The following DENND4B variants were observed in gnomAD, a reference collection of about 807,000 sequenced individuals.
The protein encoded by DENND4B is DENN domain-containing protein 4B.
In DENND4B, 67 loss-of-function variants were observed where a neutral mutation model predicts 161.0. The ratio of observed to expected loss-of-function variants is 0.42; its 90% confidence interval spans 0.34 to 0.51. DENND4B has a LOEUF of 0.51. Among genes scored for constraint, DENND4B ranks in the 20% least tolerant of loss-of-function variants. DENND4B has a pLI of 0.08. For synonymous variants in DENND4B, 753 were observed against 813.8 expected, an observed-to-expected ratio of 0.93 and a Z score of 1.27; for missense variants, 1,481 against 1,968.0, an observed-to-expected ratio of 0.75 and a Z score of 4.68.
rs752439738 is a variant in DENND4B at position 153,942,265 on chromosome 1, G to T, written c.732C>A (p.Ile244=). 6.2e-7 allele frequency: 1 copy of T among 1,613,930 alleles called. No homozygotes were observed. Among genetic ancestry groups the T allele is most frequent in the Non-Finnish European group, 8.5e-7 (1 of 1,179,872 alleles). Residue 244 remains isoleucine, a synonymous_variant, in exon 5 of 28, where the codon ATC becomes ATA. Coordinates refer to ENST00000361217, the MANE Select transcript of DENND4B (RefSeq NM_014856.3). The surrounding 1 kb of genome is among the most constrained non-coding windows in gnomAD (Gnocchi z 6.9). ...ACTTGGTCTGGGCAGGCCAGCACTC[G>T]ATAGTGGCCCCCATGGGCAGGCAGA... The part of the protein sequence containing the change: ...PVFCLPMGAT[I]ECWPAQTKYP...
In DENND4B at chr1:153,940,188, G is replaced by A. The variant is rs1347906578; in HGVS notation, c.1571C>T (p.Thr524Ile). ...CAGCTGCTGGTACAGGTTTGTCAGT[G>A]TGGCCAGCAGAACCTTGTAGGGTCT... Reference protein sequence around the residue: ...PRRPYKVLLATLTNLYQQLDQ... With the variant: ...PRRPYKVLLAILTNLYQQLDQ... The change falls in exon 11 of 28, where the codon ACA (threonine) becomes ATA (isoleucine). Residue 524 changes from threonine to isoleucine, a missense_variant. Physicochemically the swap from Thr to Ile is moderately conservative, Grantham distance 89. Around this residue, in one of 3 missense-constraint regions of DENND4B, gnomAD observed 806 missense variants for 1,134.4 expected, o/e 0.71. Transcript: ENST00000361217. The surrounding 1 kb of genome is among the most constrained non-coding windows in gnomAD (Gnocchi z 5.6). 1 of 1,594,470 alleles carries A rather than the reference G, an allele frequency of 6.3e-7. No individual in the cohort carries two copies. The highest frequency in any genetic ancestry group is 8.5e-7 in the Non-Finnish European group (1 of 1,171,746).
chr1:153,939,225 G>T (rs1232880928), intron 12 of DENND4B, among the ~76,000 whole-genome samples, 180 bp from the exon 13 acceptor site: 1 of 152,100 alleles, frequency 6.6e-6, no homozygotes, highest in East Asian at 1.9e-4. Context: ...CCAGCACAAT[G>T]GCCCTAGAGA....
chr1:153,936,840 G>C lies in DENND4B; in HGVS notation c.2233-92C>G. 1 of 1,303,178 alleles carries C rather than the reference G, an allele frequency of 7.7e-7. No individual in the cohort carries two copies. Among genetic ancestry groups the C allele is most frequent in the South Asian group, 1.7e-5 (1 of 58,884 alleles). 80.7% of individuals were successfully genotyped at this position (1,303,178 alleles called of 1,614,324 possible). On this transcript the variant is annotated intron_variant, in intron 15 of 27. Transcript: ENST00000361217. The surrounding 1 kb of genome is among the most constrained non-coding windows in gnomAD (Gnocchi z 4.1). ...TATTTATTTATGACGGTCTCGCTCT[G>C]TCACCCAGGCTGGAGTGCAGTGGCG...
Position 153,933,682 on chromosome 1 carries a change from C to G in DENND4B, c.3131G>C (p.Gly1044Ala). Residue 1044 changes from glycine (G) to alanine (A), a missense_variant, in exon 20 of 28, where the codon GGT becomes GCT. Physicochemically the swap from Gly to Ala is moderately conservative, Grantham distance 60. Around this residue, in one of 3 missense-constraint regions of DENND4B, gnomAD observed 339 missense variants for 330.3 expected, o/e 1.03. Transcript: ENST00000361217. This position sits in a 1 kb window ranked among gnomAD's most constrained non-coding sequence, Gnocchi z 5.7. ...GGTGCCTGCCTCATCCTGTCGCCCA[C>G]CAGCCTTGGGTCCCCGCCCACTTAG... Reference protein sequence around the residue: ...EGLSGRGPKAGGRQDEAGTPR... With the variant: ...EGLSGRGPKAAGRQDEAGTPR... 1 of 1,572,980 alleles carries G rather than the reference C, an allele frequency of 6.4e-7. No homozygotes were observed. The highest frequency in any genetic ancestry group is 8.6e-7 in the Non-Finnish European group (1 of 1,160,304).
In DENND4B at chr1:153,946,438, TG is replaced by T; in HGVS notation, c.-162del. On this transcript the variant is annotated 5_prime_UTR_variant, in exon 1 of 28. Transcript: ENST00000361217. This position sits in a 1 kb window ranked among gnomAD's most constrained non-coding sequence, Gnocchi z 6.3. ...GCGCCGCTCCCGCCCGGGCAGTGAG[TG>T]AAGGAAGAAGAGGCGGCCGAGGACC... 2.6e-6 allele frequency: 1 copy of T among 386,948 alleles called. No homozygotes were observed. The allele number at this position is 386,948 out of a possible 1,614,324, so 24.0% of individuals were successfully genotyped here. A position where few individuals can be genotyped will look rare whatever the true frequency, so the allele number is the denominator to read the frequency against.
chr1:153,934,379 T>G lies in DENND4B; in HGVS notation c.2774-77A>C. Reference sequence around the variant, plus strand: ...CTGTTCCAAAATAGAGCTCCTTAGATGGACCAGGGTTTGCAGGGTTCCTCC... The same window carrying G: ...CTGTTCCAAAATAGAGCTCCTTAGAGGGACCAGGGTTTGCAGGGTTCCTCC... On this transcript the variant is annotated intron_variant, in intron 18 of 27. Coordinates refer to ENST00000361217, the MANE Select transcript of DENND4B (RefSeq NM_014856.3). This position sits in a 1 kb window ranked among gnomAD's most constrained non-coding sequence, Gnocchi z 5.3. The G allele has an allele frequency of 6.7e-7, 1 of 1,493,770 alleles. No homozygotes were observed. Among genetic ancestry groups the G allele is most frequent in the Non-Finnish European group, 8.9e-7 (1 of 1,119,364 alleles). 92.5% of individuals were successfully genotyped at this position (1,493,770 alleles called of 1,614,324 possible). A position where few individuals can be genotyped will look rare whatever the true frequency, so the allele number is the denominator to read the frequency against.
rs530266359 is a variant in DENND4B, at chr1:153,942,790, G to T, written c.570+88C>A. ...CTCTGGACTCACCCCTGTGGTCAGA[G>T]CCTTGGTCCTGGGATGCCCTTTGTT... On this transcript the variant is annotated intron_variant, in intron 3 of 27. Transcript: ENST00000361217. This position sits in a 1 kb window ranked among gnomAD's most constrained non-coding sequence, Gnocchi z 6.9. 2.7e-6 allele frequency: 4 copies of T among 1,507,884 alleles called. No homozygotes were observed. The highest frequency in any genetic ancestry group is 3.6e-6 in the Non-Finnish European group (4 of 1,126,126). 93.4% of individuals were successfully genotyped at this position (1,507,884 alleles called of 1,614,324 possible).
Position 153,944,348 on chromosome 1 carries a change from C to A in DENND4B, c.27G>T (p.Leu9=). Residue 9 remains leucine, a synonymous_variant, in exon 2 of 28, where the codon CTG becomes CTT. Coordinates refer to ENST00000361217, the MANE Select transcript of DENND4B (RefSeq NM_014856.3). The surrounding 1 kb of genome is among the most constrained non-coding windows in gnomAD (Gnocchi z 4.8). MAEERPPR[L]VDYFVVAGLA... is the part of the protein sequence containing the mutation. ...GCCCAGCTACCACGAAGTAATCCAC[C>A]AGCCGGGGGGGCCGCTCCTCCGCCA... 3 of 1,608,450 alleles carry A rather than the reference C, an allele frequency of 1.9e-6. No individual in the cohort carries two copies. Among genetic ancestry groups the A allele is most frequent in the Non-Finnish European group, 2.5e-6 (3 of 1,177,616 alleles).
Position 153,940,726 on chromosome 1 carries a change from G to T in DENND4B, c.1327-120C>A. Reference sequence around the variant, plus strand: ...TTGGTGCCTGTTGAGAGAGGCTGTTGGAAGTAGGCTCTAGAGAAGAGCTCC... The same window carrying T: ...TTGGTGCCTGTTGAGAGAGGCTGTTTGAAGTAGGCTCTAGAGAAGAGCTCC... On this transcript the variant is annotated intron_variant, in intron 9 of 27. Transcript: ENST00000361217. The surrounding 1 kb of genome is among the most constrained non-coding windows in gnomAD (Gnocchi z 5.6). 1 of 1,454,778 alleles carries T rather than the reference G, an allele frequency of 6.9e-7. No individual in the cohort carries two copies. The highest frequency in any genetic ancestry group is 9.3e-7 in the Non-Finnish European group (1 of 1,078,178). The allele number at this position is 1,454,778 out of a possible 1,614,324, so 90.1% of individuals were successfully genotyped here.
chr1:153,940,917 T>C lies in DENND4B; in HGVS notation c.1313A>G (p.Glu438Gly), dbSNP rs1160284442. The C allele has an allele frequency of 6.4e-7, 1 of 1,570,760 alleles. No homozygotes were observed. The highest frequency in any genetic ancestry group is 8.6e-7 in the Non-Finnish European group (1 of 1,162,466). The change falls in exon 9 of 28, where the codon GAG becomes GGG. Residue 438 changes from glutamate to glycine, a missense_variant. Around this residue, in one of 3 missense-constraint regions of DENND4B, gnomAD observed 806 missense variants for 1,134.4 expected, o/e 0.71. Coordinates refer to ENST00000361217, the MANE Select transcript of DENND4B (RefSeq NM_014856.3). The surrounding 1 kb of genome is among the most constrained non-coding windows in gnomAD (Gnocchi z 5.6). ...LRPDLLTSVC[E>G]ALVSMIFPLH... Reference sequence around the variant, plus strand: ...GGCGGCACTCACCGAGACGAGGGCCTCACAGACGCTGGTGAGCAGGTCTGG... The same window carrying C: ...GGCGGCACTCACCGAGACGAGGGCCCCACAGACGCTGGTGAGCAGGTCTGG...
At chr1:153,938,701 CAA>C (rs1227022917) in intron 13 of DENND4B, among the ~76,000 whole-genome samples, 197 bp downstream of exon 13, 1 of 105,988 alleles carries the variant, frequency 9.4e-6, no homozygotes, top group Non-Finnish European at 2.0e-5. Context: ...GACTTCGTTT[CAA>C]AAAAAAAAAA....
rs752580121 is a variant in DENND4B at position 153,933,240 on chromosome 1, C to T, written c.3410G>A (p.Arg1137His). The T allele has an allele frequency of 1.1e-5, 17 of 1,612,988 alleles. No homozygotes were observed. Among genetic ancestry groups the T allele is most frequent in the South Asian group, 8.8e-5 (8 of 90,846 alleles). The change falls in exon 21 of 28, where the codon CGC (arginine) becomes CAC (histidine). Residue 1137 changes from arginine to histidine, a missense_variant. Physicochemically the swap from Arg to His is conservative, Grantham distance 29. Transcript: ENST00000361217. This position sits in a 1 kb window ranked among gnomAD's most constrained non-coding sequence, Gnocchi z 5.7. ...SNLSLRRSSE[R>H]LSDTPGSFQS... ...GAAGGATCCAGGGGTGTCACTGAGG[C>T]GCTCTGAGGAACGGCGAAGACTCAG...
intron 6 of DENND4B, 95 bp from the exon 7 acceptor site, chr1:153,941,535 T>A: frequency 7.0e-7 from 1 of 1,422,134 alleles, no homozygotes; most frequent in Non-Finnish European, 9.5e-7. Context: ...CTCAAGAACC[T>A]TATTCCTTCC....
Position 153,934,363 on chromosome 1 carries a change from A to C in DENND4B, c.2774-61T>G, listed in dbSNP as rs917809061. 6.6e-6 allele frequency: 10 copies of C among 1,517,976 alleles called. No homozygotes were observed. Among genetic ancestry groups the C allele is most frequent in the Middle Eastern group, 1.8e-4 (1 of 5,680 alleles). The allele number at this position is 1,517,976 out of a possible 1,614,324, so 94.0% of individuals were successfully genotyped here. ...CTAGGAACCCAGTCCCCTGTTCCAA[A>C]ATAGAGCTCCTTAGATGGACCAGGG... On this transcript the variant is annotated intron_variant, in intron 18 of 27. Transcript: ENST00000361217. The surrounding 1 kb of genome is among the most constrained non-coding windows in gnomAD (Gnocchi z 5.3).
In DENND4B at chr1:153,943,003, G is replaced by A. The variant is rs776352981; in HGVS notation, c.445C>T (p.Arg149Trp). ...TGCAGCCCTGCCCCCTCTGCTGCCCGCCGGTAAGTGAGGTAGGTGCGGGGG... is the reference window on the plus strand; with the variant it reads ...TGCAGCCCTGCCCCCTCTGCTGCCCACCGGTAAGTGAGGTAGGTGCGGGGG... ...GHPRTYLTYR[R>W]AAEGAGLHAL... Residue 149 changes from arginine to tryptophan, a missense_variant, in exon 3 of 28, where the codon CGG (arginine) becomes TGG (tryptophan). Physicochemically the swap from Arg to Trp is moderately radical, Grantham distance 101. Coordinates refer to ENST00000361217, the MANE Select transcript of DENND4B (RefSeq NM_014856.3). The A allele has an allele frequency of 3.1e-6, 5 of 1,613,992 alleles. No homozygotes were observed. The highest frequency in any genetic ancestry group is 3.4e-6 in the Non-Finnish European group (4 of 1,179,880).
intron 24 of DENND4B, among the ~76,000 whole-genome samples, chr1:153,931,865 G>A (rs563614708): frequency 1.6e-4 from 24 of 149,906 alleles, no homozygotes; most frequent in Middle Eastern, 6.9e-3. Flanking sequence ...GGGCAATGGC[G>A]CGATCTCGGC....
chr1:153,941,534 C>T, intron 6 of DENND4B, 94 bp from the exon 7 acceptor site: 2 of 1,423,824 alleles, frequency 1.4e-6, no homozygotes, highest in Non-Finnish European at 1.9e-6. Context: ...TCTCAAGAAC[C>T]TTATTCCTTC....
At chr1:153,935,221 A>G in intron 17 of DENND4B, 1 of 554,856 alleles carries the variant, frequency 1.8e-6, no homozygotes, top group Non-Finnish European at 3.1e-6. Context: ...AATATAAAAT[A>G]TATGGCTCTG....
rs375617250 is a variant in DENND4B at position 153,937,775 on chromosome 1, G to A, written c.2054C>T (p.Pro685Leu). 2.2e-5 allele frequency: 35 copies of A among 1,613,922 alleles called. No homozygotes were observed. The highest frequency in any genetic ancestry group is 1.6e-4 in the Middle Eastern group (1 of 6,084). ...CTCTGGTAAGGCAGGCTCCTCGGGA[G>A]GTGTGATAAAGACAGTGAGCTCACT... Reference protein sequence around the residue: ...SGSELTVFITPPEEPALPEGS... With the variant: ...SGSELTVFITLPEEPALPEGS... The change falls in exon 14 of 28, where the codon CCT becomes CTT. Residue 685 changes from proline (P) to leucine (L), a missense_variant. Pro to Leu is a moderately conservative substitution (Grantham distance 98). Coordinates refer to ENST00000361217, the MANE Select transcript of DENND4B (RefSeq NM_014856.3). The surrounding 1 kb of genome is among the most constrained non-coding windows in gnomAD (Gnocchi z 4.7).
Sources: allele counts gnomAD v4.1 joint callset (sites outside exome capture counted in the v4.1 genomes callset), GRCh38; gene constraint gnomAD v4.1.1; regional missense constraint gnomAD v4.1.1; non-coding constraint Gnocchi (gnomAD v3.1); transcripts MANE v1.5; gene names NCBI Gene and HGNC (gene_info 2026-07-23, HGNC 2026-07-21).